The following GRIK4 variants were observed in gnomAD, a reference collection of about 807,000 sequenced individuals.
GRIK4 encodes the protein glutamate ionotropic receptor kainate type subunit 4.
Under a neutral mutation model 104.9 loss-of-function variants are expected in GRIK4, and 40 were observed. The ratio of observed to expected loss-of-function variants is 0.38; its 90% CI spans 0.30 to 0.50. GRIK4 has a LOEUF of 0.50. Ranked by LOEUF, GRIK4 falls within the 20% of genes least tolerant of loss-of-function variation. The pLI is 0.93. For synonymous variants in GRIK4, 485 were observed against 524.9 expected (o/e 0.92, Z 1.04); for missense variants, 1,047 against 1,308.1 (o/e 0.80, Z 3.08).
In GRIK4 at chr11:120,584,704, G is replaced by C. The variant is rs555216152; in HGVS notation, c.-158-68981G>C. On this transcript the variant is annotated intron_variant, in intron 1 of 20. Coordinates refer to ENST00000527524, the MANE Select transcript of GRIK4 (RefSeq NM_014619.5). ...TTTGGGCAGGACAAATATCCAAACT[G>C]TATCAGTGGCTCATTAGTTTGAGGT... Among the ~76,000 whole-genome samples the C allele has an allele frequency of 6.6e-5, 10 of 152,320 alleles. No homozygotes were observed. In the South Asian group the frequency reaches 1.9e-3, roughly 28 times the overall value.
In GRIK4 at chr11:120,633,684, G is replaced by T. The variant is rs75922676; in HGVS notation, c.-158-20001G>T. On this transcript the variant is annotated intron_variant, in intron 1 of 20. Transcript: ENST00000527524. ...GCCACAGGTCCCCTCAAATGAAAGG[G>T]GATGGGCTGTGTTAGCATTAGAAGG... is the stretch of plus-strand genomic sequence containing the variant. 1.8e-3 allele frequency among the ~76,000 whole-genome samples: 274 copies of T among 152,276 alleles called. 4 individuals carry two copies. The East Asian group carries it at 0.037, about 21-fold the overall frequency.
intron 1 of GRIK4, among the ~76,000 whole-genome samples, chr11:120,612,385 G>A (rs891537600): frequency 1.3e-5 from 2 of 152,182 alleles, no homozygotes; most frequent in Non-Finnish European, 2.9e-5. Context: ...TTCCGTGAGA[G>A]CAAGGATTTT....
intron 1 of GRIK4, among the ~76,000 whole-genome samples, chr11:120,650,500 C>T (rs1050607368): frequency 2.0e-5 from 3 of 152,214 alleles, no homozygotes; most frequent in African/African-American, 7.2e-5. Flanking sequence ...TTCGCATCCC[C>T]CCTCCCAGAC....
intron 3 of GRIK4, among the ~76,000 whole-genome samples, chr11:120,743,957 C>T (rs945340285): frequency 5.7e-4 from 86 of 152,100 alleles, no homozygotes; most frequent in African/African-American, 2.2e-4. Flanking sequence ...AGTAGCACAG[C>T]GAGGCTGGTG....
Position 120,967,138 on chromosome 11 carries a change from T to TGAC in GRIK4, c.2267-56_2267-54dup. ...AGGTGTGCCGGGAAGGGGAGCAGAG[T>TGAC]GACACCTAACAGGGCATTCACAACC... is the stretch of plus-strand genomic sequence containing the variant. On this transcript the variant is annotated intron_variant, in intron 18 of 20. Transcript: ENST00000527524. This position sits in a 1 kb window ranked among gnomAD's most constrained non-coding sequence, Gnocchi z 4.2. The TGAC allele has an allele frequency of 6.4e-7, 1 of 1,555,118 alleles. No homozygotes were observed. Among genetic ancestry groups the TGAC allele is most frequent in the Middle Eastern group, 1.7e-4 (1 of 5,818 alleles).
chr11:120,985,835 C>T, intron 20 of GRIK4, 69 bp from the exon 21 acceptor site: 5 of 1,426,962 alleles, frequency 3.5e-6, no homozygotes, highest in Non-Finnish European at 4.8e-6. Flanking sequence ...TCCCTCATCC[C>T]AGCGGACTCG....
intron 9 of GRIK4, among the ~76,000 whole-genome samples, chr11:120,862,684 T>C (rs546967828): frequency 3.3e-5 from 5 of 152,250 alleles, no homozygotes; most frequent in African/African-American, 1.2e-4. Context: ...CTGCTTCCTC[T>C]CTGCAGTTCT....
chr11:120,667,224 G>A (rs556781937), intron 3 of GRIK4, among the ~76,000 whole-genome samples: 4 of 152,330 alleles, frequency 2.6e-5, no homozygotes, highest in Non-Finnish European at 5.9e-5. Context: ...ATTAACAAGA[G>A]CTTAGAATTG....
chr11:120,707,394 A>C (rs1466574412), intron 3 of GRIK4, among the ~76,000 whole-genome samples: 1 of 152,182 alleles, frequency 6.6e-6, no homozygotes, highest in African/African-American at 2.4e-5. Flanking sequence ...GGTAAAATCA[A>C]TTCTGAACTC....
chr11:120,901,272 C>T (rs1942729751), intron 12 of GRIK4, among the ~76,000 whole-genome samples: 1 of 152,204 alleles, frequency 6.6e-6, no homozygotes, highest in East Asian at 1.9e-4. Context: ...TTCTCCTCCC[C>T]ATGCAGCATG....
chr11:120,539,430 T>A (rs965125710), intron 1 of GRIK4, among the ~76,000 whole-genome samples: 1 of 152,232 alleles, frequency 6.6e-6, no homozygotes. Context: ...TGTGCGAACA[T>A]GATCTTATTT....
intron 8 of GRIK4, among the ~76,000 whole-genome samples, chr11:120,860,788 G>T (rs1323039055): frequency 2.0e-5 from 3 of 152,138 alleles, no homozygotes; most frequent in African/African-American, 4.8e-5. Flanking sequence ...AAACCTTCAG[G>T]TTGAGGTTCT....
chr11:120,615,904 G>C (rs1348960013), intron 1 of GRIK4, among the ~76,000 whole-genome samples: 1 of 151,934 alleles, frequency 6.6e-6, no homozygotes, highest in East Asian at 1.9e-4. Context: ...GCTAAGTGAT[G>C]GGATCTAGTA....
At position 120,781,037 on chromosome 11, in the gene GRIK4, T is replaced by G. The variant is rs184370521; in HGVS notation, c.83-21656T>G. On this transcript the variant is annotated intron_variant, in intron 3 of 20. Coordinates refer to ENST00000527524, the MANE Select transcript of GRIK4 (RefSeq NM_014619.5). ...GATTACAGGCATGAGCCACTGCACC[T>G]GGCCACATTATCCGTTTTTATAGTG... Among the ~76,000 whole-genome samples the G allele has an allele frequency of 4.3e-3, 657 of 152,196 alleles. 7 individuals carry two copies. The highest frequency in any genetic ancestry group is 0.014 in the African/African-American group (599 of 41,522).
chr11:120,648,220 A>G (rs4935749), intron 1 of GRIK4, among the ~76,000 whole-genome samples: 99,931 of 152,086 alleles, frequency 0.66, 32,927 homozygotes, highest in African/African-American at 0.71. Context: ...GACTAGCCTG[A>G]CTTTGCCTGT....
chr11:120,886,225 G>T (rs1955116245), intron 11 of GRIK4, among the ~76,000 whole-genome samples: 1 of 152,220 alleles, frequency 6.6e-6, no homozygotes, highest in South Asian at 2.1e-4. Flanking sequence ...GAACAAGGCT[G>T]CACCGTGTCT....
intron 13 of GRIK4, among the ~76,000 whole-genome samples, chr11:120,924,431 A>G (rs1222899304): frequency 2.0e-5 from 3 of 152,138 alleles, no homozygotes; most frequent in Non-Finnish European, 4.4e-5. Context: ...TTAAAAAAAT[A>G]TATATTGAAA....
intron 3 of GRIK4, among the ~76,000 whole-genome samples, chr11:120,699,454 C>G (rs1050542102): frequency 2.0e-5 from 3 of 151,782 alleles, no homozygotes; most frequent in African/African-American, 7.3e-5. Flanking sequence ...AGGTACTGTT[C>G]TAGGCACTGA....
chr11:120,928,783 C>A (rs1337201406), intron 13 of GRIK4, among the ~76,000 whole-genome samples: 3 of 152,204 alleles, frequency 2.0e-5, no homozygotes, highest in African/African-American at 4.8e-5. Flanking sequence ...CGAGAGTAAG[C>A]TGTAACCTCG....
Sources: gnomAD v4.1 joint callset for allele counts (sites outside exome capture counted in the v4.1 genomes callset) on GRCh38, gnomAD v4.1.1 for gene constraint, Gnocchi (gnomAD v3.1) non-coding constraint, MANE v1.5 for transcripts, NCBI Gene and HGNC (gene_info 2026-07-23, HGNC 2026-07-21) for gene names.